Variants in EDARADD observed in about 807,000 individuals in gnomAD.
EDARADD encodes EDAR associated via death domain.
Under a neutral mutation model 25.6 loss-of-function variants are expected in EDARADD, and 20 were observed. The observed-to-expected ratio is 0.78, with a 90% CI of 0.55 to 1.14. The LOEUF (loss-of-function observed/expected upper bound fraction) is 1.14, where lower values mean the gene tolerates loss of function less well. Among genes scored for constraint, EDARADD ranks in the 50% most tolerant of loss-of-function variants. The pLI is 0.00. For synonymous variants in EDARADD, 86 were observed against 94.4 expected, an observed-to-expected ratio of 0.91 and a Z score of 0.52; for missense variants, 225 against 270.1, an observed-to-expected ratio of 0.83 and a Z score of 1.17.
chr1:236,443,992 A>G (rs918515661), intron 4 of EDARADD, among the ~76,000 whole-genome samples: 5 of 152,180 alleles, frequency 3.3e-5, no homozygotes, highest in South Asian at 2.1e-4. Flanking sequence ...CCTAATCTTC[A>G]GCAACCACCA....
intron 4 of EDARADD, among the ~76,000 whole-genome samples, chr1:236,444,114 T>C (rs1374995328): frequency 6.6e-6 from 1 of 152,182 alleles, no homozygotes; most frequent in African/African-American, 2.4e-5. Flanking sequence ...ATAAAATATT[T>C]TTAAGACGTA....
chr1:236,418,833 C>A (rs1490692808), intron 3 of EDARADD, among the ~76,000 whole-genome samples: 2 of 152,124 alleles, frequency 1.3e-5, no homozygotes, highest in African/African-American at 2.4e-5. Flanking sequence ...CCACGGGAAA[C>A]TCCTCATCCT....
chr1:236,419,439 C>T (rs1473047160), intron 3 of EDARADD, among the ~76,000 whole-genome samples: 1 of 151,942 alleles, frequency 6.6e-6, no homozygotes, highest in Non-Finnish European at 1.5e-5. Flanking sequence ...CTCAACTTCT[C>T]GTAGTGGGAA....
At chr1:236,369,433 T>C (rs995154753) in intron 3 of EDARADD, among the ~76,000 whole-genome samples, 2 of 152,230 alleles carry the variant, frequency 1.3e-5, no homozygotes, top group African/African-American at 2.4e-5. Flanking sequence ...GCAACTTCAT[T>C]TGGATCCTCA....
At chr1:236,405,075 C>G (rs752858016) in intron 1 of EDARADD, among the ~76,000 whole-genome samples, 37 of 152,000 alleles carry the variant, frequency 2.4e-4, no homozygotes, top group Non-Finnish European at 5.1e-4. Context: ...GCCTGGGCGA[C>G]AGAGTGAGAC....
upstream of EDARADD, among the ~76,000 whole-genome samples, chr1:236,392,826 C>T (rs139534746): frequency 3.3e-5 from 5 of 152,224 alleles, no homozygotes; most frequent in East Asian, 3.9e-4. Flanking sequence ...CCTGTCACCA[C>T]GCCCAGCTAA....
intron 4 of EDARADD, among the ~76,000 whole-genome samples, chr1:236,447,107 C>G (rs901573418): frequency 2.0e-5 from 3 of 152,068 alleles, no homozygotes; most frequent in African/African-American, 7.2e-5. Flanking sequence ...CTTTTCTTTT[C>G]TTTCTTCCTT....
chr1:236,366,340 AGCTGAGACCTTTTTGAGCAT>A (rs1667112176), intron 3 of EDARADD, among the ~76,000 whole-genome samples: 1 of 152,202 alleles, frequency 6.6e-6, no homozygotes, highest in Non-Finnish European at 1.5e-5. Context: ...CCTACCACTG[AGCTGAGACCTTTTTGAGCAT>A]GCTACTCAAT....
intron 2 of EDARADD, among the ~76,000 whole-genome samples, chr1:236,413,223 G>A (rs1226594877): frequency 6.6e-6 from 1 of 152,240 alleles, no homozygotes; most frequent in African/African-American, 2.4e-5. Context: ...GGTCTTGGGA[G>A]TAGAATGATG....
intron 3 of EDARADD, among the ~76,000 whole-genome samples, chr1:236,363,116 C>T (rs1489298864): frequency 1.4e-5 from 2 of 146,252 alleles, no homozygotes; most frequent in African/African-American, 5.0e-5. Context: ...TGATCTCCTG[C>T]CTTGGCCTCC....
At chr1:236,378,972 G>A (rs1216233672) in intron 3 of EDARADD, among the ~76,000 whole-genome samples, 5 of 152,234 alleles carry the variant, frequency 3.3e-5, no homozygotes, top group Admixed American at 3.3e-4. Flanking sequence ...GGGATGAGGA[G>A]AGAGGGATAA....
chr1:236,362,139 A>G (rs1282392255), intron 3 of EDARADD, among the ~76,000 whole-genome samples: 2 of 151,990 alleles, frequency 1.3e-5, no homozygotes, highest in African/African-American at 4.8e-5. Context: ...GCAGTGCTAC[A>G]ATCATAGTTC....
At chr1:236,434,354 C>T (rs1035779667) in intron 4 of EDARADD, among the ~76,000 whole-genome samples, 10 of 152,004 alleles carry the variant, frequency 6.6e-5, no homozygotes, top group African/African-American at 2.4e-4. Context: ...TTTCCTGGCT[C>T]GGCCTCCCTG....
rs1658000272 is a variant in EDARADD, at chr1:236,428,690, ACT to A, written c.219+1241_219+1242del. Among the ~76,000 whole-genome samples the A allele has an allele frequency of 1.8e-3, 207 of 115,772 alleles. 2 individuals carry two copies. Among genetic ancestry groups the A allele is most frequent in the South Asian group, 3.7e-3 (12 of 3,280 alleles). 76.0% of individuals were successfully genotyped at this position (115,772 alleles called of 152,430 possible). On this transcript the variant is annotated intron_variant, in intron 4 of 5. Coordinates refer to ENST00000334232, the MANE Select transcript of EDARADD (RefSeq NM_145861.4). Reference sequence around the variant, plus strand: ...GGAAGAGGCGCTCCTCACTTCCCAGACTGGGCTGCCGGGCAGAGACGCTCCTC... The same window carrying A: ...GGAAGAGGCGCTCCTCACTTCCCAGAGGGCTGCCGGGCAGAGACGCTCCTC...
rs1667567010 is a variant in EDARADD, at chr1:236,398,926, A to G, written c.61+4421A>G. On this transcript the variant is annotated intron_variant, in intron 1 of 5. Coordinates refer to ENST00000334232, the MANE Select transcript of EDARADD (RefSeq NM_145861.4). This position sits in a 1 kb window ranked among gnomAD's most constrained non-coding sequence, Gnocchi z 4.1. ...AGCTCTCCCTAACACTCAGCATAGT[A>G]CTCCGCACATAGTAAGCCCTGGGCA... 1.3e-5 allele frequency among the ~76,000 whole-genome samples: 2 copies of G among 152,080 alleles called. No homozygotes were observed. The highest frequency in any genetic ancestry group is 1.3e-4 in the Admixed American group (2 of 15,264).
At chr1:236,404,283 A>T (rs977928146) in intron 1 of EDARADD, among the ~76,000 whole-genome samples, 2 of 152,206 alleles carry the variant, frequency 1.3e-5, no homozygotes, top group African/African-American at 2.4e-5. Context: ...CAAGTTCCTA[A>T]GAAAGACCTT....
At chr1:236,452,270 C>T (rs74974036) in intron 4 of EDARADD, among the ~76,000 whole-genome samples, 330 of 152,330 alleles carry the variant, frequency 2.2e-3, no homozygotes, top group African/African-American at 7.5e-3. Flanking sequence ...GCAGCAGCCC[C>T]AGCTTTCACT....
intron 3 of EDARADD, among the ~76,000 whole-genome samples, chr1:236,383,994 C>A (rs1446151147): frequency 1.3e-5 from 2 of 151,976 alleles, no homozygotes; most frequent in African/African-American, 2.4e-5. Context: ...CAGAGTAACA[C>A]CTTGTCTCAA....
At chr1:236,364,996 G>A (rs1667094958) in intron 3 of EDARADD, among the ~76,000 whole-genome samples, 1 of 152,116 alleles carries the variant, frequency 6.6e-6, no homozygotes, top group Non-Finnish European at 1.5e-5. Context: ...TTTCACCACT[G>A]AGTATAATGT....
Sources: gnomAD v4.1 joint callset for allele counts (sites outside exome capture counted in the v4.1 genomes callset) on GRCh38, gnomAD v4.1.1 for gene constraint, Gnocchi (gnomAD v3.1) non-coding constraint, MANE v1.5 for transcripts, NCBI Gene and HGNC (gene_info 2026-07-23, HGNC 2026-07-21) for gene names.